The following CFDP1 variants were observed in gnomAD, a reference collection of about 807,000 sequenced individuals.
The protein encoded by CFDP1 is heterochromatin-stabilizing protein CFDP1.
In CFDP1, 31 loss-of-function variants were observed where a neutral mutation model predicts 40.1. The ratio of observed to expected loss-of-function variants is 0.77; its 90% CI spans 0.58 to 1.04. The LOEUF (loss-of-function observed/expected upper bound fraction) is 1.04, where lower values mean the gene tolerates loss of function less well. Among genes scored for constraint, CFDP1 ranks in the 50% least tolerant of loss-of-function variants. The pLI, the probability that CFDP1 is intolerant of heterozygous loss-of-function variation, is 0.00. For missense variants in CFDP1, 423 were observed against 343.4 expected, an observed-to-expected ratio of 1.23 and a Z score of -1.83; for synonymous variants, 167 against 120.0, an observed-to-expected ratio of 1.39 and a Z score of -2.56.
intron 5 of CFDP1, among the ~76,000 whole-genome samples, chr16:75,353,483 C>T (rs967940521): frequency 6.6e-6 from 1 of 151,994 alleles, no homozygotes; most frequent in East Asian, 1.9e-4. Context: ...ATTAATGAGG[C>T]TGGGGGCGGT....
At chr16:75,416,897 C>G (rs35951873) in intron 1 of CFDP1, among the ~76,000 whole-genome samples, 3 of 152,170 alleles carry the variant, frequency 2.0e-5, no homozygotes, top group Admixed American at 2.0e-4. Flanking sequence ...ACACCAAGGG[C>G]TAAGTGACAG....
At chr16:75,388,917 G>C (rs923723201) in intron 5 of CFDP1, among the ~76,000 whole-genome samples, 20 of 111,432 alleles carry the variant, frequency 1.8e-4, no homozygotes, top group African/African-American at 5.6e-4. Context: ...TCAACATTAA[G>C]GCCTTTTTTT....
intron 4 of CFDP1, among the ~76,000 whole-genome samples, chr16:75,404,025 G>A (rs13336197): frequency 5.3e-5 from 8 of 151,466 alleles, no homozygotes; most frequent in African/African-American, 7.3e-5. Context: ...CCAGCTACTC[G>A]GGAGGCTAAG....
intron 5 of CFDP1, among the ~76,000 whole-genome samples, chr16:75,337,597 T>C (rs1396119331): frequency 1.3e-5 from 2 of 152,154 alleles, no homozygotes; most frequent in East Asian, 3.8e-4. Context: ...ACAGAAAGCA[T>C]GGCTGGGAAG....
At chr16:75,295,849 G>A (rs981144327) in intron 6 of CFDP1, among the ~76,000 whole-genome samples, 2 of 152,320 alleles carry the variant, frequency 1.3e-5, no homozygotes, top group South Asian at 2.1e-4. Context: ...AGGGAAGACA[G>A]GTAGGGAAGT....
At chr16:75,322,355 A>G (rs1020454128) in intron 5 of CFDP1, among the ~76,000 whole-genome samples, 1 of 152,210 alleles carries the variant, frequency 6.6e-6, no homozygotes, top group Non-Finnish European at 1.5e-5. Context: ...ATTTTTATTT[A>G]TAGTCATGTG....
At chr16:75,332,722 T>C (rs2078454985) in intron 5 of CFDP1, among the ~76,000 whole-genome samples, 1 of 150,942 alleles carries the variant, frequency 6.6e-6, no homozygotes, top group Admixed American at 6.6e-5. Flanking sequence ...CAGTTCTATA[T>C]ATATTTATAT....
intron 4 of CFDP1, among the ~76,000 whole-genome samples, chr16:75,404,513 G>A (rs1462834762): frequency 6.6e-6 from 1 of 151,962 alleles, no homozygotes; most frequent in Non-Finnish European, 1.5e-5. Context: ...GAGCCACCGC[G>A]CCCGGCCGCA....
At chr16:75,368,395 T>C (rs1275036629) in intron 5 of CFDP1, among the ~76,000 whole-genome samples, 1 of 152,190 alleles carries the variant, frequency 6.6e-6, no homozygotes, top group Non-Finnish European at 1.5e-5. Context: ...GATGGAGAGC[T>C]ATCATAGATG....
intron 1 of CFDP1, among the ~76,000 whole-genome samples, chr16:75,418,020 G>A (rs936230190): frequency 9.9e-5 from 15 of 152,148 alleles, no homozygotes; most frequent in African/African-American, 3.4e-4. Context: ...TTGGGAGGCT[G>A]AGGTGGGTGT....
intron 5 of CFDP1, among the ~76,000 whole-genome samples, chr16:75,319,974 C>G (rs1252768928): frequency 6.6e-6 from 1 of 152,202 alleles, no homozygotes; most frequent in African/African-American, 2.4e-5. Context: ...TTCATAGAGG[C>G]TAACCACAGC....
intron 1 of CFDP1, among the ~76,000 whole-genome samples, chr16:75,425,856 T>A (rs1393831916): frequency 9.8e-5 from 13 of 132,550 alleles, no homozygotes; most frequent in African/African-American, 8.6e-5. Context: ...GCCAACATGG[T>A]GAAACCCCAT....
In CFDP1 at chr16:75,321,481, C is replaced by T. The variant is rs1392117037; in HGVS notation, c.651-16299G>A. Among the ~76,000 whole-genome samples the T allele has an allele frequency of 3.9e-5, 6 of 152,172 alleles. No individual in the cohort carries two copies. The East Asian group carries it at 1.2e-3, about 29-fold the overall frequency. ...TGGCAACTACTAATCTACTTTCTGC[C>T]TCAACAGATTTACCTATCTCTCAGG... On this transcript the variant is annotated intron_variant, in intron 5 of 6. Transcript: ENST00000283882.
chr16:75,330,183 AG>A (rs1211701674), intron 5 of CFDP1, among the ~76,000 whole-genome samples: 1 of 152,236 alleles, frequency 6.6e-6, no homozygotes, highest in African/African-American at 2.4e-5. Flanking sequence ...TGACTACTTC[AG>A]TAATTATCCA....
intron 5 of CFDP1, among the ~76,000 whole-genome samples, chr16:75,385,751 A>AG (rs908598715): frequency 6.6e-6 from 1 of 151,870 alleles, no homozygotes; most frequent in Non-Finnish European, 1.5e-5. Context: ...AAAGAAGTTA[A>AG]AGACCTATGA....
intron 6 of CFDP1, among the ~76,000 whole-genome samples, chr16:75,304,679 A>C (rs188636235): frequency 1.7e-3 from 260 of 152,332 alleles, no homozygotes; most frequent in Non-Finnish European, 2.6e-3. Flanking sequence ...TCAGAAGGAC[A>C]AATGATTCAG....
Position 75,393,708 on chromosome 16 carries a change from G to A in CFDP1, c.650+1382C>T, listed in dbSNP as rs540786273. On this transcript the variant is annotated intron_variant, in intron 5 of 6. Transcript: ENST00000283882. The stretch of plus-strand genomic sequence containing the variant: ...ATTGCGCCACTGCAGTCCGCAGTCC[G>A]GCCTGGGCGACAGAGCGAGACTCCG... Among the ~76,000 whole-genome samples, 21 of 133,290 alleles carry A rather than the reference G, an allele frequency of 1.6e-4. No homozygotes were observed. The South Asian group carries it at 4.3e-3, about 28-fold the overall frequency. The allele number at this position is 133,290 out of a possible 152,430, so 87.4% of individuals were successfully genotyped here. A position where few individuals can be genotyped will look rare whatever the true frequency, so the allele number is the denominator to read the frequency against.
chr16:75,347,634 G>A (rs770261288), intron 5 of CFDP1, among the ~76,000 whole-genome samples: 3 of 152,004 alleles, frequency 2.0e-5, no homozygotes, highest in Non-Finnish European at 4.4e-5. Flanking sequence ...AGCTGAGATC[G>A]CGCCACTGCA....
rs952649726 is a variant in CFDP1 at position 75,367,167 on chromosome 16, A to G, written c.650+27923T>C. ...TGACAGGAACGAGACTCCATCTCAA[A>G]AAAAAAAAAAAAAAAAAATTACTAC... On this transcript the variant is annotated intron_variant, in intron 5 of 6. Coordinates refer to ENST00000283882, the MANE Select transcript of CFDP1 (RefSeq NM_006324.3). 8.9e-4 allele frequency among the ~76,000 whole-genome samples: 131 copies of G among 146,594 alleles called. No individual in the cohort carries two copies. In the South Asian group the frequency reaches 0.011, roughly 12 times the overall value.
Sources: gnomAD v4.1 joint callset for allele counts (sites outside exome capture counted in the v4.1 genomes callset) on GRCh38, gnomAD v4.1.1 for gene constraint, MANE v1.5 for transcripts, NCBI Gene and HGNC (gene_info 2026-07-23, HGNC 2026-07-21) for gene names.